VWDE: variants seen among roughly 807,000 people sequenced by gnomAD.
VWDE encodes the protein von Willebrand factor D and EGF domains, also known as von Willebrand factor D and EGF domain-containing protein.
Under a neutral mutation model 178.4 loss-of-function variants are expected in VWDE, and 207 were observed. The observed-to-expected ratio is 1.16, with a 90% CI of 1.04 to 1.30. VWDE has a LOEUF of 1.30. Among genes scored for constraint, VWDE ranks in the 50% most tolerant of loss-of-function variants. The pLI is 0.00. For missense variants in VWDE, 2,287 were observed against 1,901.3 expected (o/e 1.20, Z -3.77); for synonymous variants, 738 against 651.4 (o/e 1.13, Z -2.02).
rs1051229973 is a variant in VWDE at position 12,348,102 on chromosome 7, A to C, written c.3886+3471T>G. On this transcript the variant is annotated intron_variant, in intron 19 of 28. Coordinates refer to ENST00000275358, the MANE Select transcript of VWDE (RefSeq NM_001135924.3). ...GATGGATTGAAGACTTAAACGTTAG[A>C]CCTAAAACCATAAAAACCCTAGAAG... Among the ~76,000 whole-genome samples, 102 of 152,150 alleles carry C rather than the reference A, an allele frequency of 6.7e-4. 1 individual carries two copies. The highest frequency in any genetic ancestry group is 2.9e-3 in the Admixed American group (44 of 15,280).
chr7:12,397,118 T>C (rs934500722), intron 1 of VWDE, among the ~76,000 whole-genome samples: 1 of 151,854 alleles, frequency 6.6e-6, no homozygotes, highest in African/African-American at 2.4e-5. Context: ...GCAAAAGCAA[T>C]CTTAGGCAAA....
intron 18 of VWDE, among the ~76,000 whole-genome samples, chr7:12,355,226 C>T (rs1407008341): frequency 6.6e-6 from 1 of 151,952 alleles, no homozygotes. Flanking sequence ...ACCATGCTGG[C>T]CAACATGGTG....
In VWDE at chr7:12,375,136, G is replaced by C; in HGVS notation, c.1116C>G (p.His372Gln). The C allele has an allele frequency of 6.4e-7, 1 of 1,551,250 alleles. No individual in the cohort carries two copies. The highest frequency in any genetic ancestry group is 8.7e-7 in the Non-Finnish European group (1 of 1,146,674). Residue 372 changes from histidine (H) to glutamine (Q), a missense_variant, in exon 8 of 29, where the codon CAC (histidine) becomes CAG (glutamine). Coordinates refer to ENST00000275358, the MANE Select transcript of VWDE (RefSeq NM_001135924.3). ...TSSCANGTCS[H>Q]TFVYYTAVTD... Reference sequence around the variant, plus strand: ...TGACAGCAGTGTAGTACACAAAAGTGTGGCTACAGGTTCCATTAGCACAGG... The same window carrying C: ...TGACAGCAGTGTAGTACACAAAAGTCTGGCTACAGGTTCCATTAGCACAGG...
chr7:12,403,573 A>G, intron 1 of VWDE, 86 bp downstream of exon 1: 1 of 1,321,046 alleles, frequency 7.6e-7, no homozygotes, highest in Admixed American at 2.5e-5. Context: ...GACGCTCCCC[A>G]AGTCGTCCAA....
At chr7:12,369,516 A>G in intron 12 of VWDE, 29 bp downstream of exon 12, 2 of 1,484,950 alleles carry the variant, frequency 1.3e-6, no homozygotes, top group Non-Finnish European at 1.8e-6. Flanking sequence ...TATCACATGC[A>G]ATATCAAACT....
At chr7:12,378,410 T>A (rs6944134) in intron 6 of VWDE, among the ~76,000 whole-genome samples, 3 of 152,118 alleles carry the variant, frequency 2.0e-5, no homozygotes. Context: ...TTTCTCAGCA[T>A]CTGATTTCCA....
chr7:12,397,499 A>C (rs1488387924), intron 1 of VWDE, among the ~76,000 whole-genome samples: 2 of 152,200 alleles, frequency 1.3e-5, no homozygotes. Flanking sequence ...ACCTTTCTGG[A>C]CATGGGCCTT....
intron 16 of VWDE, among the ~76,000 whole-genome samples, chr7:12,357,809 C>A (rs1782343336): frequency 6.6e-6 from 1 of 152,046 alleles, no homozygotes; most frequent in South Asian, 2.1e-4. Context: ...GATGCTGCAC[C>A]TCTTCTGTCT....
chr7:12,375,177 G>A lies in VWDE; in HGVS notation c.1075C>T (p.Leu359Phe), dbSNP rs1783455735. Residue 359 changes from leucine (L) to phenylalanine (F), a missense_variant, in exon 8 of 29, where the codon CTT (leucine) becomes TTT (phenylalanine). Coordinates refer to ENST00000275358, the MANE Select transcript of VWDE (RefSeq NM_001135924.3). ...NLALSSCHVD[L>F]LQTSSCANGT... ...TTAGCACAGGAAGATGTCTGGAGAA[G>A]GTCCACATGACAGGAAGACAGTGCC... 1 of 1,551,050 alleles carries A rather than the reference G, an allele frequency of 6.4e-7. No homozygotes were observed. Among genetic ancestry groups the A allele is most frequent in the Admixed American group, 2.0e-5 (1 of 50,962 alleles).
chr7:12,387,554 T>C (rs999122569), intron 3 of VWDE, among the ~76,000 whole-genome samples: 27 of 152,020 alleles, frequency 1.8e-4, no homozygotes, highest in Admixed American at 1.7e-3. Flanking sequence ...CATATTTATG[T>C]ATATTTATGT....
At position 12,389,175 on chromosome 7, in the gene VWDE, C is replaced by G; in HGVS notation, c.427G>C (p.Val143Leu). 6 of 1,552,026 alleles carry G rather than the reference C, an allele frequency of 3.9e-6. No homozygotes were observed. Among genetic ancestry groups the G allele is most frequent in the Non-Finnish European group, 5.2e-6 (6 of 1,147,044 alleles). ...CCCTGAGTTGGTTGTAGTAAGTATACAGAAAAGTTCCCACAGTTTCTTACA... is the reference window on the plus strand; with the variant it reads ...CCCTGAGTTGGTTGTAGTAAGTATAGAGAAAAGTTCCCACAGTTTCTTACA... Reference protein sequence around the residue: ...VSVRNCGNFSVYLLQPTQGCM... With the variant: ...VSVRNCGNFSLYLLQPTQGCM... The change falls in exon 3 of 29, where the codon GTA (valine) becomes CTA (leucine). Residue 143 changes from valine (V) to leucine (L), a missense_variant. Coordinates refer to ENST00000275358, the MANE Select transcript of VWDE (RefSeq NM_001135924.3).
chr7:12,368,169 T>C (rs993248094), intron 12 of VWDE, among the ~76,000 whole-genome samples: 6 of 145,902 alleles, frequency 4.1e-5, no homozygotes, highest in Admixed American at 1.4e-4. Flanking sequence ...TTCTAGGTAC[T>C]GGGGATGTAG....
chr7:12,399,899 G>A (rs955664878), intron 1 of VWDE, among the ~76,000 whole-genome samples: 1 of 152,040 alleles, frequency 6.6e-6, no homozygotes, highest in Non-Finnish European at 1.5e-5. Context: ...ACAATGGAAT[G>A]AAATTAGAAC....
chr7:12,336,781 T>C (rs752117999), intron 26 of VWDE, among the ~76,000 whole-genome samples: 1 of 152,164 alleles, frequency 6.6e-6, no homozygotes, highest in East Asian at 1.9e-4. Flanking sequence ...AAATACAAGA[T>C]ATCCTCTTCT....
intron 4 of VWDE, among the ~76,000 whole-genome samples, chr7:12,381,069 G>A (rs1425853088): frequency 6.6e-6 from 1 of 152,118 alleles, no homozygotes; most frequent in East Asian, 1.9e-4. Context: ...TTAAGGTTTA[G>A]TACATTATAA....
chr7:12,374,395 T>G (rs929580625), intron 9 of VWDE, among the ~76,000 whole-genome samples: 3 of 152,168 alleles, frequency 2.0e-5, no homozygotes, highest in South Asian at 2.1e-4. Context: ...AGTAAATAAT[T>G]TAATCATTAT....
At chr7:12,402,580 A>AT (rs891706160) in intron 1 of VWDE, among the ~76,000 whole-genome samples, 10 of 152,054 alleles carry the variant, frequency 6.6e-5, no homozygotes, top group Non-Finnish European at 5.9e-5. Flanking sequence ...AACATTGGTC[A>AT]TTTTTTTCCT....
intron 16 of VWDE, among the ~76,000 whole-genome samples, chr7:12,359,144 T>C (rs543293630): frequency 2.2e-4 from 34 of 152,310 alleles, no homozygotes; most frequent in Non-Finnish European, 3.4e-4. Flanking sequence ...ATTTGGGGTA[T>C]TGTTTGAAAC....
In VWDE at chr7:12,383,575, A is replaced by T; in HGVS notation, c.502T>A (p.Cys168Ser). Residue 168 changes from cysteine to serine, a missense_variant, in exon 4 of 29, where the codon TGT (cysteine) becomes AGT (serine). Transcript: ENST00000275358. ...CCTGTTTCAGTTTCATCAGAACCAC[A>T]TGGGTGTAATCGTGCATCAGAAATA... is the stretch of plus-strand genomic sequence containing the variant. ...EAISDARLHP[C>S]GSDETETGGD... is the part of the protein sequence containing the mutation. 6.4e-7 allele frequency: 1 copy of T among 1,550,508 alleles called. No homozygotes were observed. The highest frequency in any genetic ancestry group is 8.7e-7 in the Non-Finnish European group (1 of 1,145,966).
Sources: allele counts gnomAD v4.1 joint callset (sites outside exome capture counted in the v4.1 genomes callset), GRCh38; gene constraint gnomAD v4.1.1; transcripts MANE v1.5; gene names NCBI Gene and HGNC (gene_info 2026-07-23, HGNC 2026-07-21).